The following HERC2 variants were observed in gnomAD, a reference collection of about 807,000 sequenced individuals.
HERC2 encodes HECT and RLD domain containing E3 ubiquitin protein ligase 2, also known as E3 ubiquitin-protein ligase HERC2.
In HERC2, 102 loss-of-function variants were observed where a neutral mutation model predicts 537.7. The observed-to-expected ratio is 0.19, with a 90% CI of 0.16 to 0.22. The LOEUF (loss-of-function observed/expected upper bound fraction) is 0.22, where lower values mean the gene tolerates loss of function less well. Ranked by LOEUF, HERC2 falls within the 10% of genes least tolerant of loss-of-function variation. The pLI, the probability that HERC2 is intolerant of heterozygous loss-of-function variation, is 1.00. For missense variants in HERC2, 4,236 were observed against 6,198.2 expected (o/e 0.68, Z 10.63); for synonymous variants, 2,224 against 2,466.2 (o/e 0.90, Z 2.91).
At chr15:28,271,944 G>T in intron 9 of HERC2, 1 of 480,540 alleles carries the variant, frequency 2.1e-6, no homozygotes. Flanking sequence ...AACAAAGCAG[G>T]CCGCTATTTT....
In HERC2 at chr15:28,116,815, C is replaced by T; in HGVS notation, c.13459G>A (p.Ala4487Thr). 6.2e-7 allele frequency: 1 copy of T among 1,613,790 alleles called. No individual in the cohort carries two copies. Among genetic ancestry groups the T allele is most frequent in the Non-Finnish European group, 8.5e-7 (1 of 1,179,976 alleles). ...TTCTGCAGCTCCTCACAGATCTCAG[C>T]TATGGACTCGCTGTAGCCGCCCCCA... ...DCGGGYSESI[A>T]EICEELQNGL... Residue 4487 changes from alanine to threonine, a missense_variant, in exon 88 of 93, where the codon GCT (alanine) becomes ACT (threonine). Physicochemically the swap from Ala to Thr is moderately conservative, Grantham distance 58. This residue lies in a region of HERC2 where 29 missense variants were observed against 102.1 expected (regional missense o/e 0.28). Coordinates refer to ENST00000261609, the MANE Select transcript of HERC2 (RefSeq NM_004667.6).
Position 28,176,353 on chromosome 15 carries a change from C to A in HERC2, c.9686+75G>T. On this transcript the variant is annotated intron_variant, in intron 63 of 92. Coordinates refer to ENST00000261609, the MANE Select transcript of HERC2 (RefSeq NM_004667.6). This position sits in a 1 kb window ranked among gnomAD's most constrained non-coding sequence, Gnocchi z 5.0. ...ACACGTCACAATCACGCCGGGTGAG[C>A]CTGGGGCGAGGCCCAGGTTCCCTGC... 7.0e-7 allele frequency: 1 copy of A among 1,430,406 alleles called. No homozygotes were observed. 88.6% of individuals were successfully genotyped at this position (1,430,406 alleles called of 1,614,324 possible).
At chr15:28,199,677 G>A (rs1897705637) in intron 48 of HERC2, among the ~76,000 whole-genome samples, 1 of 152,266 alleles carries the variant, frequency 6.6e-6, no homozygotes, top group East Asian at 1.9e-4. Flanking sequence ...TGTCATCAAG[G>A]AAGGAGCAGG....
rs777490692 is a variant in HERC2, at chr15:28,248,637, T to C, written c.3150A>G (p.Ser1050=). 13 of 1,614,022 alleles carry C rather than the reference T, an allele frequency of 8.1e-6. No individual in the cohort carries two copies. The highest frequency in any genetic ancestry group is 1.1e-5 in the South Asian group (1 of 91,078). The change falls in exon 21 of 93, where the codon TCA becomes TCG. Residue 1050 remains serine, a synonymous_variant. Coordinates refer to ENST00000261609, the MANE Select transcript of HERC2 (RefSeq NM_004667.6). ...FEQHSRERSA[S]LDLLLRFQRL... is the part of the protein sequence containing the mutation. Reference sequence around the variant, plus strand: ...GTTGAAAACGCAGTAACAAATCCAATGAAGCAGATCTTTCACGACTGTGTT... The same window carrying C: ...GTTGAAAACGCAGTAACAAATCCAACGAAGCAGATCTTTCACGACTGTGTT...
intron 23 of HERC2, among the ~76,000 whole-genome samples, chr15:28,240,943 T>C (rs1903046475): frequency 1.3e-5 from 2 of 152,186 alleles, no homozygotes. Flanking sequence ...ATAAAATTCT[T>C]AGAAGAAAAC....
Position 28,214,716 on chromosome 15 carries a change from C to T in HERC2, c.6297G>A (p.Lys2099=), listed in dbSNP as rs1567025064. 1 of 1,612,030 alleles carries T rather than the reference C, an allele frequency of 6.2e-7. No individual in the cohort carries two copies. The highest frequency in any genetic ancestry group is 2.3e-4 in the Middle Eastern group (1 of 4,430). ...RARDMKCLVE[K]LFDFLGSLLT... ...GCAAGCTTCCCAAGAAGTCAAACAGCTTCTCCACGAGGCATTTCATGTCCC... is the reference window on the plus strand; with the variant it reads ...GCAAGCTTCCCAAGAAGTCAAACAGTTTCTCCACGAGGCATTTCATGTCCC... Residue 2099 remains lysine (K), a synonymous_variant, in exon 40 of 93, where the codon AAG becomes AAA. Transcript: ENST00000261609.
At position 28,290,831 on chromosome 15, in the gene HERC2, A is replaced by G. The variant is rs540839346; in HGVS notation, c.322+2057T>C. On this transcript the variant is annotated intron_variant, in intron 4 of 92. Transcript: ENST00000261609. ...CTAAACAATGCTTAGAGGGAAATTT[A>G]TATTATAGTTTTGAACACTTGTTAG... Among the ~76,000 whole-genome samples, 464 of 152,370 alleles carry G rather than the reference A, an allele frequency of 3.0e-3. 2 individuals carry two copies. The highest frequency in any genetic ancestry group is 0.011 in the African/African-American group (439 of 41,596).
chr15:28,138,087 G>GCT (rs1890830931), intron 78 of HERC2, among the ~76,000 whole-genome samples: 2 of 152,232 alleles, frequency 1.3e-5, no homozygotes, highest in Non-Finnish European at 2.9e-5. Flanking sequence ...GGCTAACAGA[G>GCT]GTGAGAAGGC....
intron 56 of HERC2, 54 bp from the exon 57 acceptor site, chr15:28,182,566 A>G: frequency 7.6e-7 from 1 of 1,320,042 alleles, no homozygotes; most frequent in Non-Finnish European, 1.1e-6. Flanking sequence ...TCAGCATAAA[A>G]CATTTAAAAA....
intron 79 of HERC2, among the ~76,000 whole-genome samples, chr15:28,134,072 T>G (rs1444767990): frequency 2.0e-5 from 3 of 152,218 alleles, no homozygotes; most frequent in African/African-American, 7.2e-5. Context: ...GCCAGCAAAT[T>G]AACAATACTG....
In HERC2 at chr15:28,210,931, G is replaced by A. The variant is rs1899140600; in HGVS notation, c.7069+71C>T. 8 of 1,065,194 alleles carry A rather than the reference G, an allele frequency of 7.5e-6. No homozygotes were observed. The South Asian group carries it at 8.8e-5, about 12-fold the overall frequency. 66.0% of individuals were successfully genotyped at this position (1,065,194 alleles called of 1,614,324 possible). Reference sequence around the variant, plus strand: ...CCACCTATGTCCATTTTTATGAACTGATTATTCACTTCCTTTGTCTACTTT... The same window carrying A: ...CCACCTATGTCCATTTTTATGAACTAATTATTCACTTCCTTTGTCTACTTT... On this transcript the variant is annotated intron_variant, in intron 44 of 92. Transcript: ENST00000261609.
At chr15:28,159,026 G>T (rs1893305098) in intron 69 of HERC2, among the ~76,000 whole-genome samples, 1 of 151,488 alleles carries the variant, frequency 6.6e-6, no homozygotes, top group Non-Finnish European at 1.5e-5. Context: ...GAAATTCTGG[G>T]TTGAAAATTC....
At chr15:28,141,658 C>T (rs1891235431) in intron 77 of HERC2, 28 bp from the exon 78 acceptor site, 2 of 1,613,156 alleles carry the variant, frequency 1.2e-6, no homozygotes, top group Non-Finnish European at 1.7e-6. Context: ...TGAGCATTTG[C>T]CATGGGCAAG....
chr15:28,291,900 G>A (rs1464205062), intron 4 of HERC2, among the ~76,000 whole-genome samples: 3 of 81,544 alleles, frequency 3.7e-5, no homozygotes, highest in Admixed American at 3.9e-4. Flanking sequence ...ACAAGACTCC[G>A]TCTCAAAGGA....
rs113341207 is a variant in HERC2 at position 28,113,031 on chromosome 15, G to A, written c.14232+40C>T. On this transcript the variant is annotated intron_variant, in intron 92 of 92. Coordinates refer to ENST00000261609, the MANE Select transcript of HERC2 (RefSeq NM_004667.6). This position sits in a 1 kb window ranked among gnomAD's most constrained non-coding sequence, Gnocchi z 7.0. ...AGGAGCCAGCCACCCACCGTCGGCCGACATCAGCCCAGGGCCGGCAAGCCC... is the reference window on the plus strand; with the variant it reads ...AGGAGCCAGCCACCCACCGTCGGCCAACATCAGCCCAGGGCCGGCAAGCCC... 4.5e-5 allele frequency: 71 copies of A among 1,574,680 alleles called. No individual in the cohort carries two copies. The African/African-American group carries it at 5.3e-4, about 12-fold the overall frequency.
chr15:28,182,628 A>G (rs1212758968), intron 56 of HERC2, 116 bp from the exon 57 acceptor site: 1 of 792,864 alleles, frequency 1.3e-6, no homozygotes, highest in Admixed American at 2.9e-5. Flanking sequence ...TACTTTCAGA[A>G]ACTCTTAAAA....
chr15:28,305,041 G>A (rs1223977278), intron 2 of HERC2, among the ~76,000 whole-genome samples: 1 of 149,054 alleles, frequency 6.7e-6, no homozygotes. Flanking sequence ...CAAAGGACAT[G>A]AACTCATCAT....
intron 78 of HERC2, 116 bp downstream of exon 78, chr15:28,141,316 T>C: frequency 1.3e-6 from 1 of 779,278 alleles, no homozygotes. Context: ...CACAGTATCA[T>C]TAATCCTGAG....
At chr15:28,295,701 G>A (rs547107930) in intron 3 of HERC2, among the ~76,000 whole-genome samples, 2 of 152,190 alleles carry the variant, frequency 1.3e-5, no homozygotes, top group Admixed American at 6.5e-5. Flanking sequence ...CCCGGCCACC[G>A]TATTTTATAG....
Sources: allele counts gnomAD v4.1 joint callset (sites outside exome capture counted in the v4.1 genomes callset), GRCh38; gene constraint gnomAD v4.1.1; regional missense constraint gnomAD v4.1.1; non-coding constraint Gnocchi (gnomAD v3.1); transcripts MANE v1.5; gene names NCBI Gene and HGNC (gene_info 2026-07-23, HGNC 2026-07-21).